PSD3: variants seen among roughly 807,000 people sequenced by gnomAD.
The protein encoded by PSD3 is PH and SEC7 domain-containing protein 3.
A neutral mutation model predicts 105.5 loss-of-function variants in PSD3; 49 were observed. That is an observed-to-expected ratio of 0.46 (90% CI 0.37 to 0.59). PSD3 has a LOEUF of 0.59. Among genes scored for constraint, PSD3 ranks in the 20% least tolerant of loss-of-function variants. The pLI is 0.00. For missense variants in PSD3, 1,561 were observed against 1,263.8 expected, an observed-to-expected ratio of 1.24 and a Z score of -3.57; for synonymous variants, 557 against 457.8, an observed-to-expected ratio of 1.22 and a Z score of -2.77.
intron 12 of PSD3, among the ~76,000 whole-genome samples, chr8:18,594,353 T>C (rs1445803324): frequency 2.8e-5 from 3 of 106,428 alleles, no homozygotes; most frequent in Non-Finnish European, 5.2e-5. Context: ...ATATATTCTA[T>C]ATATTATATA....
chr8:18,687,194 T>G (rs1424145385), intron 9 of PSD3, among the ~76,000 whole-genome samples: 1 of 152,178 alleles, frequency 6.6e-6, no homozygotes, highest in African/African-American at 2.4e-5. Flanking sequence ...ATGGGTGCAG[T>G]GGCTCACTCC....
chr8:18,824,798 C>G (rs1465320404), intron 4 of PSD3, among the ~76,000 whole-genome samples: 1 of 152,120 alleles, frequency 6.6e-6, no homozygotes, highest in African/African-American at 2.4e-5. Flanking sequence ...AATTAGATCC[C>G]TAGGCAGAGT....
Position 18,535,428 on chromosome 8 carries a change from A to G in PSD3, c.*315T>C, listed in dbSNP as rs528623169. The G allele has an allele frequency of 3.2e-6, 1 of 314,726 alleles. No individual in the cohort carries two copies. Among genetic ancestry groups the G allele is most frequent in the Non-Finnish European group, 5.9e-6 (1 of 168,500 alleles). 19.5% of individuals were successfully genotyped at this position (314,726 alleles called of 1,614,324 possible). On this transcript the variant is annotated 3_prime_UTR_variant, in exon 16 of 16. Transcript: ENST00000327040. ...AGTTTAACAGTTGATATGAGAATAC[A>G]TAAAACAACTGAGCAGACTGCAAAC...
intron 2 of PSD3, among the ~76,000 whole-genome samples, chr8:18,922,784 G>A (rs1211452623): frequency 6.6e-6 from 1 of 152,100 alleles, no homozygotes; most frequent in Non-Finnish European, 1.5e-5. Flanking sequence ...ACAGAACACA[G>A]GGAACCACTT....
At chr8:18,744,641 A>G (rs1201448262) in intron 9 of PSD3, among the ~76,000 whole-genome samples, 1 of 152,224 alleles carries the variant, frequency 6.6e-6, no homozygotes, top group African/African-American at 2.4e-5. Context: ...TACAAATGGT[A>G]CAGAGTTCCT....
intron 9 of PSD3, among the ~76,000 whole-genome samples, chr8:18,698,759 T>A (rs2131026762): frequency 6.6e-6 from 1 of 152,326 alleles, no homozygotes; most frequent in Admixed American, 6.5e-5. Context: ...CTATGTGGCT[T>A]CTTTGTCAGA....
intron 9 of PSD3, among the ~76,000 whole-genome samples, chr8:18,664,351 T>C (rs2130884822): frequency 6.6e-6 from 1 of 152,182 alleles, no homozygotes; most frequent in East Asian, 1.9e-4. Context: ...ATTGCTGATA[T>C]GGAGAAAGTT....
At chr8:18,702,800 G>C (rs2129417627) in intron 9 of PSD3, among the ~76,000 whole-genome samples, 1 of 152,014 alleles carries the variant, frequency 6.6e-6, no homozygotes, top group African/African-American at 2.4e-5. Context: ...TTTTAGTAGA[G>C]ACAGGGTTTC....
At chr8:18,552,623 T>C (rs1357347215) in intron 15 of PSD3, among the ~76,000 whole-genome samples, 3 of 152,210 alleles carry the variant, frequency 2.0e-5, no homozygotes, top group African/African-American at 7.2e-5. Flanking sequence ...AGCACAGGGA[T>C]CAATTAAATA....
chr8:18,795,067 C>A (rs1446744687), intron 8 of PSD3, among the ~76,000 whole-genome samples: 2 of 152,186 alleles, frequency 1.3e-5, no homozygotes, highest in African/African-American at 4.8e-5. Flanking sequence ...TGAATTCTTA[C>A]AATCTATCTC....
chr8:18,904,391 A>G (rs1198014172), intron 2 of PSD3, among the ~76,000 whole-genome samples: 1 of 152,134 alleles, frequency 6.6e-6, no homozygotes, highest in Admixed American at 6.5e-5. Context: ...GTGCCCAAGA[A>G]AGCCATGAAG....
intron 9 of PSD3, among the ~76,000 whole-genome samples, chr8:18,667,236 T>C (rs904659594): frequency 3.3e-5 from 5 of 152,146 alleles, no homozygotes; most frequent in African/African-American, 7.2e-5. Context: ...AGAGAACTGA[T>C]TGGTCCATTT....
intron 4 of PSD3, among the ~76,000 whole-genome samples, chr8:18,830,972 G>A (rs1813634510): frequency 6.6e-6 from 1 of 151,466 alleles, no homozygotes; most frequent in South Asian, 2.1e-4. Context: ...TAAGGGCAGA[G>A]AATAATGGAC....
At chr8:19,018,372 T>A (rs1383516487), upstream of PSD3, among the ~76,000 whole-genome samples, 1 of 148,440 alleles carries the variant, frequency 6.7e-6, no homozygotes, top group Non-Finnish European at 1.5e-5. Context: ...AAAAAAAAAA[T>A]GAGGCATAAG....
At chr8:18,619,889 T>A (rs1054086397) in intron 11 of PSD3, among the ~76,000 whole-genome samples, 8 of 152,178 alleles carry the variant, frequency 5.3e-5, no homozygotes, top group African/African-American at 1.9e-4. Flanking sequence ...GTGGGGGAAA[T>A]TAACATCTTT....
chr8:18,809,661 T>C (rs1328448074), intron 4 of PSD3, among the ~76,000 whole-genome samples: 4 of 152,184 alleles, frequency 2.6e-5, no homozygotes, highest in Non-Finnish European at 4.4e-5. Flanking sequence ...CCTGAAATGT[T>C]TTTTTCTAAA....
At chr8:18,821,979 C>G (rs895876705) in intron 4 of PSD3, among the ~76,000 whole-genome samples, 2 of 151,948 alleles carry the variant, frequency 1.3e-5, no homozygotes, top group Non-Finnish European at 2.9e-5. Context: ...AACTTCTAAG[C>G]CCCCGACTGC....
chr8:18,651,334 C>T (rs1262816772), intron 10 of PSD3, among the ~76,000 whole-genome samples: 4 of 152,212 alleles, frequency 2.6e-5, no homozygotes, highest in Non-Finnish European at 5.9e-5. Flanking sequence ...ATAATTCTAT[C>T]GTGATTTCCT....
chr8:18,648,554 A>C (rs1026066128), intron 10 of PSD3, among the ~76,000 whole-genome samples: 1 of 152,228 alleles, frequency 6.6e-6, no homozygotes, highest in Admixed American at 6.5e-5. Context: ...ATGACATAAA[A>C]CTGGAACTTA....
Sources: allele counts gnomAD v4.1 joint callset (sites outside exome capture counted in the v4.1 genomes callset), GRCh38; gene constraint gnomAD v4.1.1; transcripts MANE v1.5; gene names NCBI Gene and HGNC (gene_info 2026-07-23, HGNC 2026-07-21).